FAM227B: variants seen among roughly 807,000 people sequenced by gnomAD.
The protein encoded by FAM227B is protein FAM227B.
In FAM227B, 88 loss-of-function variants were observed where a neutral mutation model predicts 73.8. The ratio of observed to expected loss-of-function variants is 1.19; its 90% CI spans 1.00 to 1.42. The LOEUF is 1.42. Ranked by LOEUF, FAM227B falls within the 40% of genes most tolerant of loss-of-function variation. FAM227B has a pLI of 0.00. For synonymous variants in FAM227B, 210 were observed against 190.5 expected, an observed-to-expected ratio of 1.10 and a Z score of -0.84; for missense variants, 632 against 590.9, an observed-to-expected ratio of 1.07 and a Z score of -0.72.
chr15:49,605,002 A>G (rs547114784), intron 3 of FAM227B, among the ~76,000 whole-genome samples: 1 of 152,090 alleles, frequency 6.6e-6, no homozygotes, highest in East Asian at 1.9e-4. Flanking sequence ...TGAAGATGAT[A>G]TTTTTAAGTC....
In FAM227B at chr15:49,515,055, AT is replaced by A. The variant is rs2059286825; in HGVS notation, c.875-6708del. Among the ~76,000 whole-genome samples, 7 of 152,192 alleles carry A rather than the reference AT, an allele frequency of 4.6e-5. No homozygotes were observed. In the South Asian group the frequency reaches 1.5e-3, roughly 32 times the overall value. ...GATCTCAGCCATTACCTTCTCAAAT[AT>A]TTCTTTTATAATATATTCTCTCTTT... On this transcript the variant is annotated intron_variant, in intron 10 of 15. Transcript: ENST00000299338.
chr15:49,543,034 T>C (rs150570136), intron 9 of FAM227B, among the ~76,000 whole-genome samples: 2,232 of 152,258 alleles, frequency 0.015, 70 homozygotes, highest in African/African-American at 0.052. Flanking sequence ...AGTAGTGGGA[T>C]TGCTGGATCA....
intron 9 of FAM227B, among the ~76,000 whole-genome samples, chr15:49,550,148 C>T (rs1413739064): frequency 5.0e-5 from 7 of 138,910 alleles, no homozygotes; most frequent in East Asian, 2.4e-4. Context: ...GGCGGCTGGC[C>T]GGGCAGGGGG....
intron 8 of FAM227B, among the ~76,000 whole-genome samples, chr15:49,570,100 T>C (rs987292314): frequency 2.6e-5 from 4 of 151,976 alleles, no homozygotes; most frequent in African/African-American, 9.7e-5. Context: ...AACGTGGAAA[T>C]AGAGTTATGT....
chr15:49,396,475 C>A (rs760943290), intron 11 of FAM227B: 1,961 of 184,906 alleles, frequency 0.011, 20 homozygotes, highest in Non-Finnish European at 0.015. Flanking sequence ...CCGGGAAGCT[C>A]GAACTGGGTG....
chr15:49,536,087 A>G (rs1174885304), intron 10 of FAM227B, among the ~76,000 whole-genome samples: 2 of 150,198 alleles, frequency 1.3e-5, no homozygotes, highest in African/African-American at 2.4e-5. Context: ...AAAAAAAAAA[A>G]AAAGAAAAAA....
At chr15:49,525,609 A>G (rs2152198637) in intron 10 of FAM227B, among the ~76,000 whole-genome samples, 1 of 132,922 alleles carries the variant, frequency 7.5e-6, no homozygotes, top group East Asian at 2.2e-4. Flanking sequence ...ACCTGCCTAT[A>G]ACAGACCCAT....
At chr15:49,597,357 C>G (rs534821687) in intron 3 of FAM227B, among the ~76,000 whole-genome samples, 2 of 151,952 alleles carry the variant, frequency 1.3e-5, no homozygotes, top group Non-Finnish European at 2.9e-5. Flanking sequence ...ATAAAATAAC[C>G]TGCTCCTGAA....
At chr15:49,450,746 T>G (rs1036414372) in intron 11 of FAM227B, among the ~76,000 whole-genome samples, 2 of 151,814 alleles carry the variant, frequency 1.3e-5, no homozygotes, top group African/African-American at 4.8e-5. Flanking sequence ...TTAACAAAAC[T>G]AATAACACTG....
At chr15:49,334,187 T>G in intron 14 of FAM227B, 1 of 899,168 alleles carries the variant, frequency 1.1e-6, no homozygotes, top group Non-Finnish European at 1.3e-6. Flanking sequence ...AAGATGATCT[T>G]AAGCACTACC....
At chr15:49,540,772 T>C (rs1567527114) in intron 10 of FAM227B, among the ~76,000 whole-genome samples, 1 of 152,212 alleles carries the variant, frequency 6.6e-6, no homozygotes, top group Non-Finnish European at 1.5e-5. Context: ...CTTCTGCCCT[T>C]CATCATGTCC....
At position 49,588,008 on chromosome 15, in the gene FAM227B, T is replaced by C. The variant is rs2076275261; in HGVS notation, c.405+8A>G. ...CTTTCAAGGATGATAAAAACATAGA[T>C]ACCATACCATTATCTTTTTTTTCTT... On this transcript the variant is annotated splice_region_variant and intron_variant, in intron 5 of 15. Coordinates refer to ENST00000299338, the MANE Select transcript of FAM227B (RefSeq NM_152647.3). 1 of 1,446,470 alleles carries C rather than the reference T, an allele frequency of 6.9e-7. No homozygotes were observed. Among genetic ancestry groups the C allele is most frequent in the South Asian group, 1.4e-5 (1 of 70,128 alleles). 89.6% of individuals were successfully genotyped at this position (1,446,470 alleles called of 1,614,324 possible). A position where few individuals can be genotyped will look rare whatever the true frequency, so the allele number is the denominator to read the frequency against.
At chr15:49,391,731 T>C (rs749322342) in intron 11 of FAM227B, among the ~76,000 whole-genome samples, 7 of 152,276 alleles carry the variant, frequency 4.6e-5, no homozygotes, top group South Asian at 2.1e-4. Context: ...CACTTCAAGA[T>C]AGCCTGCCAT....
At chr15:49,357,818 C>T (rs1008311291) in intron 13 of FAM227B, among the ~76,000 whole-genome samples, 76 of 152,066 alleles carry the variant, frequency 5.0e-4, no homozygotes, top group Non-Finnish European at 1.0e-3. Context: ...CCTTGATGAA[C>T]ATTGATGCAA....
At chr15:49,396,715 A>G (rs1825427739) in intron 11 of FAM227B, among the ~76,000 whole-genome samples, 1 of 149,874 alleles carries the variant, frequency 6.7e-6, no homozygotes, top group African/African-American at 2.4e-5. Context: ...CCTAACTGGG[A>G]GGCACCCCCC....
chr15:49,435,573 T>A (rs776849105), intron 11 of FAM227B, among the ~76,000 whole-genome samples: 3 of 151,620 alleles, frequency 2.0e-5, no homozygotes, highest in Non-Finnish European at 3.0e-5. Context: ...TAATGTTGGA[T>A]GTTTAACAGG....
intron 11 of FAM227B, among the ~76,000 whole-genome samples, chr15:49,392,543 G>A (rs919029193): frequency 3.3e-5 from 5 of 152,102 alleles, no homozygotes; most frequent in Non-Finnish European, 7.4e-5. Flanking sequence ...TGAGTAACAA[G>A]GCAAGACAAT....
intron 11 of FAM227B, among the ~76,000 whole-genome samples, chr15:49,447,225 C>T (rs559234259): frequency 2.6e-5 from 4 of 151,668 alleles, no homozygotes; most frequent in African/African-American, 9.6e-5. Context: ...TAATCTTGCA[C>T]TATATTGTTA....
chr15:49,382,487 CTTTT>C (rs979075399), intron 11 of FAM227B, among the ~76,000 whole-genome samples: 2 of 151,940 alleles, frequency 1.3e-5, no homozygotes, highest in East Asian at 3.9e-4. Context: ...ATTTCTTTCC[CTTTT>C]TTTCTTATTC....
Sources: gnomAD v4.1 joint callset for allele counts (sites outside exome capture counted in the v4.1 genomes callset) on GRCh38, gnomAD v4.1.1 for gene constraint, MANE v1.5 for transcripts, NCBI Gene and HGNC (gene_info 2026-07-23, HGNC 2026-07-21) for gene names.